TFRC: variants seen among roughly 807,000 people sequenced by gnomAD.
TFRC encodes transferrin receptor protein 1.
Under a neutral mutation model 85.8 loss-of-function variants are expected in TFRC, and 35 were observed. That is an observed-to-expected ratio of 0.41 (90% CI 0.31 to 0.54). TFRC has a LOEUF of 0.54. Among genes scored for constraint, TFRC ranks in the 20% least tolerant of loss-of-function variants. The probability of loss-of-function intolerance (pLI) is 0.31; values close to 1 mark genes in which losing one functional copy is unlikely to be tolerated. For missense variants in TFRC, 828 were observed against 921.5 expected, an observed-to-expected ratio of 0.90 and a Z score of 1.31; for synonymous variants, 362 against 328.6, an observed-to-expected ratio of 1.10 and a Z score of -1.10.
intron 12 of TFRC, 56 bp from the exon 13 acceptor site, chr3:196,062,701 G>A: frequency 6.4e-7 from 1 of 1,561,950 alleles, no homozygotes; most frequent in Non-Finnish European, 8.7e-7. Flanking sequence ...ATCACATACA[G>A]TAGCATTAGG....
intron 10 of TFRC, among the ~76,000 whole-genome samples, chr3:196,064,884 C>T (rs1717584631): frequency 1.3e-5 from 2 of 152,210 alleles, no homozygotes; most frequent in African/African-American, 2.4e-5. Context: ...CTGGTCTAGT[C>T]AATAACTTAG....
rs376328635 is a variant in TFRC, at chr3:196,058,385, G to T, written c.1596-20C>A. On this transcript the variant is annotated intron_variant, in intron 15 of 18. Coordinates refer to ENST00000360110, the MANE Select transcript of TFRC (RefSeq NM_001128148.3). ...TTCTCACTGCAAAGACAAAGAATGT[G>T]TCTTTAGAAAGTGTTTTAAAGAATA... The T allele has an allele frequency of 3.1e-5, 50 of 1,607,130 alleles. No homozygotes were observed. The highest frequency in any genetic ancestry group is 4.1e-5 in the Non-Finnish European group (48 of 1,174,642).
rs406271 is a variant in TFRC, at chr3:196,050,105, T to C, written c.*1837A>G. Reference sequence around the variant, plus strand: ...CCCCAAACCTTCTATACAAAGTCCCTCTGCTTTAAGTCAAAAGGTCAATTC... The same window carrying C: ...CCCCAAACCTTCTATACAAAGTCCCCCTGCTTTAAGTCAAAAGGTCAATTC... On this transcript the variant is annotated 3_prime_UTR_variant, in exon 19 of 19. Transcript: ENST00000360110. 0.31 allele frequency: 71,910 copies of C among 230,654 alleles called. 11,404 individuals are homozygous for C. Among genetic ancestry groups the C allele is most frequent in the South Asian group, 0.35 (1,918 of 5,506 alleles). 14.3% of individuals were successfully genotyped at this position (230,654 alleles called of 1,614,324 possible). A position where few individuals can be genotyped will look rare whatever the true frequency, so the allele number is the denominator to read the frequency against.
chr3:196,053,632 G>A (rs1029599628), intron 17 of TFRC, 74 bp from the exon 18 acceptor site: 32 of 1,567,822 alleles, frequency 2.0e-5, no homozygotes, highest in Middle Eastern at 1.7e-4. Flanking sequence ...CTAATTTAAC[G>A]TGCGTTAAGT....
intron 1 of TFRC, among the ~76,000 whole-genome samples, chr3:196,079,823 A>G (rs1383758672): frequency 6.6e-6 from 1 of 152,102 alleles, no homozygotes; most frequent in Admixed American, 6.5e-5. Context: ...GACAGAATCC[A>G]GCCCCTGTTT....
At chr3:196,065,693 A>G in intron 9 of TFRC, 93 bp from the exon 10 acceptor site, 1 of 1,386,422 alleles carries the variant, frequency 7.2e-7, no homozygotes, top group Non-Finnish European at 9.5e-7. Context: ...GAGGACATAT[A>G]AACAAAACTT....
chr3:196,080,717 T>C (rs1719097972), intron 1 of TFRC, among the ~76,000 whole-genome samples: 1 of 151,578 alleles, frequency 6.6e-6, no homozygotes, highest in African/African-American at 2.4e-5. Context: ...CATTACTTGA[T>C]AAGAACATCC....
Position 196,054,697 on chromosome 3 carries a change from C to T in TFRC, c.1899+383G>A, listed in dbSNP as rs41298051. On this transcript the variant is annotated intron_variant, in intron 17 of 18. Coordinates refer to ENST00000360110, the MANE Select transcript of TFRC (RefSeq NM_001128148.3). ...TAATAGAATATTTGACTTTTAGATG[C>T]GCAGATCACTACGAGATGGAATCCT... Among the ~76,000 whole-genome samples the T allele has an allele frequency of 2.7e-3, 404 of 152,288 alleles. 1 individual carries two copies. The highest frequency in any genetic ancestry group is 9.3e-3 in the African/African-American group (385 of 41,542).
At chr3:196,055,385 G>A (rs1386800425) in intron 16 of TFRC, 84 bp from the exon 17 acceptor site, 6 of 1,119,810 alleles carry the variant, frequency 5.4e-6, no homozygotes, top group Non-Finnish European at 8.1e-6. Context: ...CGAGGTAACA[G>A]TGACGACAGT....
chr3:196,052,014 T>TAG lies in TFRC; in HGVS notation c.2209_2210dup (p.Ala738Ter). 1 of 1,614,196 alleles carries TAG rather than the reference T, an allele frequency of 6.2e-7. No homozygotes were observed. The highest frequency in any genetic ancestry group is 8.5e-7 in the Non-Finnish European group (1 of 1,180,030). On this transcript the variant is annotated frameshift_variant, in exon 19 of 19. Transcript: ENST00000360110. LOFTEE classifies it high-confidence loss of function. ...CAGCTCCCTGAATAGTCCAAGTAGC[T>TAG]AGAGCCAACTGGTTTCTGAACAGCG...
chr3:196,061,382 G>A (rs547457040), intron 13 of TFRC, among the ~76,000 whole-genome samples: 1 of 152,218 alleles, frequency 6.6e-6, no homozygotes, highest in Admixed American at 6.5e-5. Flanking sequence ...TGTAGTGCTT[G>A]TTAAAGTTTT....
intron 1 of TFRC, among the ~76,000 whole-genome samples, chr3:196,079,382 C>T (rs537992785): frequency 6.4e-4 from 98 of 152,008 alleles, no homozygotes; most frequent in African/African-American, 2.3e-3. Flanking sequence ...GAGGCCGAGG[C>T]GAGCAGATCA....
Position 196,067,523 on chromosome 3 carries a change from C to T in TFRC, c.1035G>A (p.Leu345=), listed in dbSNP as rs774880071. 1.1e-5 allele frequency: 17 copies of T among 1,612,986 alleles called. No individual in the cohort carries two copies. The highest frequency in any genetic ancestry group is 1.4e-5 in the Non-Finnish European group (17 of 1,179,604). The change falls in exon 9 of 19, where the codon CTG becomes CTA. Residue 345 remains leucine, a synonymous_variant. Coordinates refer to ENST00000360110, the MANE Select transcript of TFRC (RefSeq NM_001128148.3). ...QTISRAAAEK[L]FGNMEGDCPS... Reference sequence around the variant, plus strand: ...GCTTTCAAATAAAAACTTACCCAAACAGCTTTTCTGCAGCAGCTCTGGAGA... The same window carrying T: ...GCTTTCAAATAAAAACTTACCCAAATAGCTTTTCTGCAGCAGCTCTGGAGA...
chr3:196,062,713 AT>A, intron 12 of TFRC, 68 bp from the exon 13 acceptor site: 1 of 1,553,854 alleles, frequency 6.4e-7, no homozygotes, highest in Non-Finnish European at 8.8e-7. Flanking sequence ...AGCATTAGGG[AT>A]TCATTTTCAA....
chr3:196,081,153 A>G (rs6763092), intron 1 of TFRC, among the ~76,000 whole-genome samples: 11,735 of 152,272 alleles, frequency 0.077, 577 homozygotes, highest in East Asian at 0.17. Context: ...GCGCCCATCA[A>G]TCCAGCACAG....
At position 196,062,930 on chromosome 3, in the gene TFRC, T is replaced by A. The variant is rs1232775686; in HGVS notation, c.1328A>T (p.Gln443Leu). The A allele has an allele frequency of 6.2e-7, 1 of 1,614,084 alleles. No individual in the cohort carries two copies. Among genetic ancestry groups the A allele is most frequent in the South Asian group, 1.1e-5 (1 of 91,080 alleles). Reference protein sequence around the residue: ...FSDMVLKDGFQPSRSIIFASW... With the variant: ...FSDMVLKDGFLPSRSIIFASW... The stretch of plus-strand genomic sequence containing the variant: ...GGCAAAGATAATGCTTCTGCTGGGC[T>A]GAAACCCATCTGAAAGAGAAAAAAG... The change falls in exon 12 of 19, where the codon CAG (glutamine) becomes CTG (leucine). Residue 443 changes from glutamine (Q) to leucine (L), a missense_variant. Gln to Leu is a moderately radical substitution (Grantham distance 113). Coordinates refer to ENST00000360110, the MANE Select transcript of TFRC (RefSeq NM_001128148.3).
chr3:196,072,227 T>C, intron 4 of TFRC, 75 bp from the exon 5 acceptor site: 4 of 1,561,758 alleles, frequency 2.6e-6, no homozygotes, highest in South Asian at 2.3e-5. Flanking sequence ...ATTAAACAAA[T>C]TGTTTTGAAA....
chr3:196,076,983 AT>A (rs1718755707), intron 2 of TFRC, 80 bp downstream of exon 2: 15 of 1,321,558 alleles, frequency 1.1e-5, no homozygotes, highest in Non-Finnish European at 1.6e-5. Context: ...TGGGGTTATT[AT>A]TTCATGCTTA....
At chr3:196,068,887 C>T (rs183808588) in intron 7 of TFRC, among the ~76,000 whole-genome samples, 271 of 147,110 alleles carry the variant, frequency 1.8e-3, no homozygotes, top group Middle Eastern at 3.5e-3. Context: ...GCTGAGATCA[C>T]GCCACTGCAC....
Sources: gnomAD v4.1 joint callset for allele counts (sites outside exome capture counted in the v4.1 genomes callset) on GRCh38, gnomAD v4.1.1 for gene constraint, MANE v1.5 for transcripts, NCBI Gene and HGNC (gene_info 2026-07-23, HGNC 2026-07-21) for gene names.